Variants in BCO2 observed in about 807,000 individuals in gnomAD.
The protein encoded by BCO2 is beta-carotene oxygenase 2, also known as carotenoid-cleaving dioxygenase, mitochondrial.
In BCO2, 56 loss-of-function variants were observed where a neutral mutation model predicts 65.8. The ratio of observed to expected loss-of-function variants is 0.85; its 90% CI spans 0.69 to 1.06. The LOEUF is 1.06. Ranked by LOEUF, BCO2 falls within the 50% of genes least tolerant of loss-of-function variation. The probability of loss-of-function intolerance (pLI) is 0.00; values close to 1 mark genes in which losing one functional copy is unlikely to be tolerated. For synonymous variants in BCO2, 233 were observed against 242.3 expected, an observed-to-expected ratio of 0.96 and a Z score of 0.36; for missense variants, 675 against 698.5, an observed-to-expected ratio of 0.97 and a Z score of 0.38.
chr11:112,205,793 C>T (rs1050507766), intron 8 of BCO2, among the ~76,000 whole-genome samples: 6 of 151,330 alleles, frequency 4.0e-5, no homozygotes, highest in Admixed American at 1.3e-4. Flanking sequence ...AGACAGGGGC[C>T]TTGTTATGTT....
intron 2 of BCO2, chr11:112,180,917 C>T (rs987330676): frequency 1.6e-5 from 17 of 1,094,716 alleles, no homozygotes; most frequent in Non-Finnish European, 2.1e-5. Context: ...GAAAGGTGGA[C>T]TGATTGATGA....
At chr11:112,183,050 G>C (rs764940609) in intron 2 of BCO2, 10 of 1,169,314 alleles carry the variant, frequency 8.6e-6, no homozygotes, top group Non-Finnish European at 1.3e-5. Context: ...TCAGAGGAGC[G>C]ACTCTGGCAG....
intron 2 of BCO2, among the ~76,000 whole-genome samples, chr11:112,186,591 T>C (rs1867206525): frequency 6.6e-6 from 1 of 152,242 alleles, no homozygotes; most frequent in African/African-American, 2.4e-5. Flanking sequence ...TTAGATGCCA[T>C]TTAACAGATC....
At chr11:112,204,959 C>T (rs1010529652) in intron 8 of BCO2, among the ~76,000 whole-genome samples, 3 of 152,174 alleles carry the variant, frequency 2.0e-5, no homozygotes, top group Admixed American at 2.0e-4. Context: ...GCCACCACAC[C>T]CAGCCTTTAA....
intron 5 of BCO2, among the ~76,000 whole-genome samples, chr11:112,195,465 T>A (rs1326859013): frequency 6.6e-6 from 1 of 150,980 alleles, no homozygotes; most frequent in Non-Finnish European, 1.5e-5. Context: ...TATTTTTTTT[T>A]ACAAAGGCTC....
intron 4 of BCO2, chr11:112,194,404 C>T: frequency 3.0e-5 from 13 of 435,738 alleles, no homozygotes; most frequent in South Asian, 6.7e-5. Context: ...TTGAATTTTC[C>T]TGTGATATTA....
At chr11:112,180,952 T>C (rs147205955) in intron 2 of BCO2, 4 of 1,129,520 alleles carry the variant, frequency 3.5e-6, no homozygotes, top group African/African-American at 3.0e-5. Flanking sequence ...GGGATGATGA[T>C]GTTTTGTTTG....
rs567449552 is a variant in BCO2, at chr11:112,180,125, C to T, written c.293+643C>T. Among the ~76,000 whole-genome samples, 11 of 152,292 alleles carry T rather than the reference C, an allele frequency of 7.2e-5. No individual in the cohort carries two copies. The South Asian group carries it at 2.3e-3, about 32-fold the overall frequency. On this transcript the variant is annotated intron_variant, in intron 2 of 11. Transcript: ENST00000357685. ...TATTTGCTTTTAACCTACATATATC[C>T]TCCCATTATCTTTTAAATCATCTCT...
At chr11:112,181,626 C>T in intron 2 of BCO2, 2 of 791,962 alleles carry the variant, frequency 2.5e-6, no homozygotes, top group Non-Finnish European at 4.6e-6. Flanking sequence ...CATTGAACAC[C>T]TAAAAGTGGC....
At chr11:112,203,749 C>T (rs1337660473) in intron 8 of BCO2, among the ~76,000 whole-genome samples, 2 of 152,162 alleles carry the variant, frequency 1.3e-5, no homozygotes, top group Non-Finnish European at 2.9e-5. Context: ...CTTGTCTTTG[C>T]CTTCCCCTCC....
rs140604334 is a variant in BCO2, at chr11:112,181,630, A to G, written c.293+2148A>G. On this transcript the variant is annotated intron_variant, in intron 2 of 11. Transcript: ENST00000357685. ...TGGTATTGACTCATTGAACACCTAAAAGTGGCAATAAAGAATTCTCAACCA... is the reference window on the plus strand; with the variant it reads ...TGGTATTGACTCATTGAACACCTAAGAGTGGCAATAAAGAATTCTCAACCA... The G allele has an allele frequency of 8.4e-5, 67 of 797,210 alleles. No individual in the cohort carries two copies. In the East Asian group the frequency reaches 1.6e-3, roughly 19 times the overall value. 49.4% of individuals were successfully genotyped at this position (797,210 alleles called of 1,614,324 possible).
intron 6 of BCO2, 120 bp downstream of exon 6, chr11:112,199,947 G>C: frequency 7.9e-7 from 1 of 1,259,904 alleles, no homozygotes; most frequent in Admixed American, 2.2e-5. Context: ...ATGAGACCAA[G>C]GTTGCATTTT....
Position 112,218,684 on chromosome 11 carries a change from G to A in BCO2, c.*810G>A, listed in dbSNP as rs1437505956. On this transcript the variant is annotated 3_prime_UTR_variant, in exon 12 of 12. Transcript: ENST00000357685. ...ACTAGGTCAAAGAATCTTAAGTCAA[G>A]GATGTCATCGAAGAGTATTTCAAAT... The A allele has an allele frequency of 5.4e-6, 1 of 183,506 alleles. No homozygotes were observed. Among genetic ancestry groups the A allele is most frequent in the African/African-American group, 2.4e-5 (1 of 42,124 alleles). The allele number at this position is 183,506 out of a possible 1,614,324, so 11.4% of individuals were successfully genotyped here.
intron 2 of BCO2, among the ~76,000 whole-genome samples, chr11:112,192,976 T>C (rs1290778598): frequency 3.5e-5 from 1 of 28,594 alleles, no homozygotes; most frequent in Non-Finnish European, 7.9e-5. Context: ...ATGTAAATTA[T>C]TCTTTTTTTT....
chr11:112,175,908 T>C, intron 1 of BCO2: 3 of 451,756 alleles, frequency 6.6e-6, no homozygotes, highest in Admixed American at 6.9e-5. Flanking sequence ...ATTTGTATAT[T>C]TTATGCAATA....
At chr11:112,217,422 GCA>G (rs1389676307) in intron 11 of BCO2, among the ~76,000 whole-genome samples, 7 of 152,148 alleles carry the variant, frequency 4.6e-5, no homozygotes. Flanking sequence ...GAGTGCAGTG[GCA>G]CAGTCTCAGC....
intron 2 of BCO2, chr11:112,183,330 T>G (rs1317780835): frequency 1.7e-6 from 1 of 600,076 alleles, no homozygotes; most frequent in Non-Finnish European, 3.0e-6. Flanking sequence ...TTATGCTTGT[T>G]CTCAGCGGTG....
intron 8 of BCO2, among the ~76,000 whole-genome samples, chr11:112,212,346 T>G (rs954782390): frequency 2.6e-5 from 4 of 152,148 alleles, no homozygotes; most frequent in Non-Finnish European, 5.9e-5. Flanking sequence ...TTCATAAGAC[T>G]CAAAATAGGT....
At chr11:112,185,568 C>T (rs1305328332) in intron 2 of BCO2, among the ~76,000 whole-genome samples, 1 of 152,108 alleles carries the variant, frequency 6.6e-6, no homozygotes, top group Non-Finnish European at 1.5e-5. Flanking sequence ...TGATGTATTT[C>T]CTGCCAGTTT....
Sources: gnomAD v4.1 joint callset for allele counts (sites outside exome capture counted in the v4.1 genomes callset) on GRCh38, gnomAD v4.1.1 for gene constraint, MANE v1.5 for transcripts, NCBI Gene and HGNC (gene_info 2026-07-23, HGNC 2026-07-21) for gene names.